The following CNGB1 variants were observed in gnomAD, a reference collection of about 807,000 sequenced individuals.
The protein encoded by CNGB1 is cyclic nucleotide gated channel subunit beta 1, also known as cyclic nucleotide-gated channel beta-1.
CNGB1 carries 126 observed loss-of-function variants against 151.7 expected under a neutral mutation model. That is an observed-to-expected ratio of 0.83 (90% CI 0.72 to 0.96). The LOEUF is 0.96. CNGB1 is among the 40% of genes least tolerant of loss of function. The pLI is 0.00. For synonymous variants in CNGB1, 623 were observed against 635.1 expected, an observed-to-expected ratio of 0.98 and a Z score of 0.29; for missense variants, 1,698 against 1,627.0, an observed-to-expected ratio of 1.04 and a Z score of -0.75.
Position 57,960,821 on chromosome 16 carries a change from T to C in CNGB1, c.534+19A>G. 6.2e-7 allele frequency: 1 copy of C among 1,612,558 alleles called. No individual in the cohort carries two copies. The highest frequency in any genetic ancestry group is 8.5e-7 in the Non-Finnish European group (1 of 1,179,406). On this transcript the variant is annotated intron_variant, in intron 8 of 32. Transcript: ENST00000251102. ...CCCCCCATATACTCAACTCCCTGCC[T>C]CTCCCTTCCTTGGCTCACCTCAGAG...
At chr16:57,963,895 A>C in intron 4 of CNGB1, 1 of 580,084 alleles carries the variant, frequency 1.7e-6, no homozygotes, top group South Asian at 2.2e-5. Flanking sequence ...AGATGAATGC[A>C]TGACTGGATT....
chr16:57,888,648 C>T (rs1960004371), intron 31 of CNGB1, among the ~76,000 whole-genome samples: 1 of 152,122 alleles, frequency 6.6e-6, no homozygotes, highest in Non-Finnish European at 1.5e-5. Context: ...GACAGGGTTT[C>T]GCCATGTTGC....
chr16:57,904,402 C>T (rs1960481385), intron 26 of CNGB1, among the ~76,000 whole-genome samples: 1 of 152,176 alleles, frequency 6.6e-6, no homozygotes, highest in Non-Finnish European at 1.5e-5. Context: ...TGACTGTCAC[C>T]TCATGTCTCG....
intron 31 of CNGB1, among the ~76,000 whole-genome samples, chr16:57,892,776 C>G (rs555615749): frequency 6.6e-6 from 1 of 152,186 alleles, no homozygotes; most frequent in African/African-American, 2.4e-5. Context: ...GTTCCCTCTT[C>G]CCAGAATGCT....
chr16:57,950,942 G>T (rs749552801), intron 12 of CNGB1, among the ~76,000 whole-genome samples: 3 of 152,036 alleles, frequency 2.0e-5, no homozygotes, highest in Non-Finnish European at 2.9e-5. Context: ...AGGTGGACTG[G>T]ATTGTCCTGG....
chr16:57,950,650 A>C, intron 12 of CNGB1, 110 bp from the exon 13 acceptor site: 1 of 1,147,382 alleles, frequency 8.7e-7, no homozygotes, highest in Non-Finnish European at 1.3e-6. Flanking sequence ...GCAGTGCCTC[A>C]GTGCTTAGTC....
chr16:57,960,037 C>T lies in CNGB1; in HGVS notation c.612G>A (p.Gly204=). The T allele has an allele frequency of 6.4e-7, 1 of 1,566,530 alleles. No homozygotes were observed. Among genetic ancestry groups the T allele is most frequent in the Non-Finnish European group, 8.6e-7 (1 of 1,159,066 alleles). The change falls in exon 10 of 33, where the codon GGG becomes GGA. Residue 204 remains glycine, a synonymous_variant. Transcript: ENST00000251102. ...GGGTCTCCCGGGCCTGCAGCTTGGG[C>T]CCCATTTCCTGGGGGCGTCCTGGAG... ...PAPPGRPQEM[G]PKLQARETPS...
intron 7 of CNGB1, among the ~76,000 whole-genome samples, chr16:57,962,260 G>A (rs1216691503): frequency 2.0e-5 from 3 of 152,118 alleles, no homozygotes; most frequent in East Asian, 1.9e-4. Context: ...GGCTCCACAC[G>A]GAGCCTACCT....
At chr16:57,952,103 T>C (rs1169796641) in intron 12 of CNGB1, among the ~76,000 whole-genome samples, 1 of 152,250 alleles carries the variant, frequency 6.6e-6, no homozygotes, top group African/African-American at 2.4e-5. Flanking sequence ...CCCCTTGGGA[T>C]GCCAGTTCCT....
At chr16:57,900,917 T>A (rs1273767751) in intron 29 of CNGB1, among the ~76,000 whole-genome samples, 1 of 151,692 alleles carries the variant, frequency 6.6e-6, no homozygotes, top group Non-Finnish European at 1.5e-5. Flanking sequence ...GCCACCAGTT[T>A]GCAACCTCTG....
intron 23 of CNGB1, among the ~76,000 whole-genome samples, chr16:57,913,877 A>G (rs2149363180): frequency 6.6e-6 from 1 of 152,356 alleles, no homozygotes; most frequent in African/African-American, 2.4e-5. Context: ...AGGGAAGTCC[A>G]GTAACTTGTC....
At position 57,883,070 on chromosome 16, in the gene CNGB1, C is replaced by A. The variant is rs1379071198; in HGVS notation, c.*1094G>T. 3 of 152,206 alleles carry A rather than the reference C, an allele frequency of 2.0e-5. No individual in the cohort carries two copies. Among genetic ancestry groups the A allele is most frequent in the Non-Finnish European group, 4.4e-5 (3 of 68,038 alleles). 9.4% of individuals were successfully genotyped at this position (152,206 alleles called of 1,614,324 possible). ...GCTAGCAGCTCCTGGCCAGTAAGTCCATTTCCCTTCTATCTGTTCTGAGAT... is the reference window on the plus strand; with the variant it reads ...GCTAGCAGCTCCTGGCCAGTAAGTCAATTTCCCTTCTATCTGTTCTGAGAT... On this transcript the variant is annotated 3_prime_UTR_variant, in exon 33 of 33. Coordinates refer to ENST00000251102, the MANE Select transcript of CNGB1 (RefSeq NM_001297.5).
intron 18 of CNGB1, 60 bp downstream of exon 18, chr16:57,923,213 C>T: frequency 1.5e-6 from 2 of 1,302,262 alleles, no homozygotes; most frequent in Non-Finnish European, 2.2e-6. Flanking sequence ...CACTAGCCCC[C>T]CCACATCCCC....
At position 57,920,275 on chromosome 16, in the gene CNGB1, C is replaced by G. The variant is rs1314844529; in HGVS notation, c.1801+112G>C. 1.8e-5 allele frequency: 22 copies of G among 1,240,474 alleles called. No individual in the cohort carries two copies. The Admixed American group carries it at 3.7e-4, about 21-fold the overall frequency. The allele number at this position is 1,240,474 out of a possible 1,614,324, so 76.8% of individuals were successfully genotyped here. A position where few individuals can be genotyped will look rare whatever the true frequency, so the allele number is the denominator to read the frequency against. On this transcript the variant is annotated intron_variant, in intron 19 of 32. Coordinates refer to ENST00000251102, the MANE Select transcript of CNGB1 (RefSeq NM_001297.5). Reference sequence around the variant, plus strand: ...CCAGAGAGTGGGGATCTGGGCTTCTCTCATGGACCTCAACCATTTCCTTGG... The same window carrying G: ...CCAGAGAGTGGGGATCTGGGCTTCTGTCATGGACCTCAACCATTTCCTTGG...
In CNGB1 at chr16:57,920,380, G is replaced by C. The variant is rs372114915; in HGVS notation, c.1801+7C>G. The C allele has an allele frequency of 1.9e-6, 3 of 1,613,952 alleles. No homozygotes were observed. The African/African-American group carries it at 4.0e-5, about 22-fold the overall frequency. Reference sequence around the variant, plus strand: ...TCCAGGTAGACCCCCTCCAGCTCCAGACTCACAGGGCTTGGGGCTCTCCTC... The same window carrying C: ...TCCAGGTAGACCCCCTCCAGCTCCACACTCACAGGGCTTGGGGCTCTCCTC... On this transcript the variant is annotated splice_region_variant and intron_variant, in intron 19 of 32. Transcript: ENST00000251102.
chr16:57,918,107 G>GGTTA (rs1246789223), intron 20 of CNGB1, among the ~76,000 whole-genome samples: 1 of 112,192 alleles, frequency 8.9e-6, no homozygotes, highest in African/African-American at 3.6e-5. Context: ...CAGATCATCT[G>GGTTA]GTTATTTATT....
chr16:57,964,281 G>A (rs1962333850), intron 3 of CNGB1, 79 bp from the exon 4 acceptor site: 2 of 1,513,238 alleles, frequency 1.3e-6, no homozygotes, highest in East Asian at 4.5e-5. Flanking sequence ...GATCAAGTCA[G>A]GGGAGAGGAG....
intron 27 of CNGB1, among the ~76,000 whole-genome samples, chr16:57,901,847 C>A (rs1960401936): frequency 6.6e-6 from 1 of 152,210 alleles, no homozygotes; most frequent in Non-Finnish European, 1.5e-5. Flanking sequence ...CCTACTCATT[C>A]TTCAGAACCC....
rs1445818007 is a variant in CNGB1 at position 57,884,003 on chromosome 16, G to A, written c.*161C>T. The A allele has an allele frequency of 4.1e-6, 4 of 982,150 alleles. No individual in the cohort carries two copies. The highest frequency in any genetic ancestry group is 3.0e-5 in the South Asian group (2 of 67,110). The allele number at this position is 982,150 out of a possible 1,614,324, so 60.8% of individuals were successfully genotyped here. Reference sequence around the variant, plus strand: ...CGCGAGGAGCTGAGTCGGGGCTGGCGTGCTGGCGGGACGGTCAGAGCTGCA... The same window carrying A: ...CGCGAGGAGCTGAGTCGGGGCTGGCATGCTGGCGGGACGGTCAGAGCTGCA... On this transcript the variant is annotated 3_prime_UTR_variant, in exon 33 of 33. Coordinates refer to ENST00000251102, the MANE Select transcript of CNGB1 (RefSeq NM_001297.5).
Sources: allele counts gnomAD v4.1 joint callset (sites outside exome capture counted in the v4.1 genomes callset), GRCh38; gene constraint gnomAD v4.1.1; transcripts MANE v1.5; gene names NCBI Gene and HGNC (gene_info 2026-07-23, HGNC 2026-07-21).